Variants in LMAN1 observed in about 807,000 individuals in gnomAD.
LMAN1 encodes protein ERGIC-53.
Under a neutral mutation model 67.8 loss-of-function variants are expected in LMAN1, and 32 were observed. The observed-to-expected ratio is 0.47, with a 90% CI of 0.36 to 0.63. The LOEUF (loss-of-function observed/expected upper bound fraction) is 0.63, where lower values mean the gene tolerates loss of function less well. Ranked by LOEUF, LMAN1 falls within the 30% of genes least tolerant of loss-of-function variation. The pLI, the probability that LMAN1 is intolerant of heterozygous loss-of-function variation, is 0.00. For missense variants in LMAN1, 632 were observed against 628.2 expected (o/e 1.01, Z -0.06); for synonymous variants, 235 against 219.3 (o/e 1.07, Z -0.63).
chr18:59,333,465 C>A, intron 10 of LMAN1: 1 of 493,394 alleles, frequency 2.0e-6, no homozygotes, highest in African/African-American at 2.0e-5. Flanking sequence ...CTAAAAATAC[C>A]ATGTAGAAAA....
intron 7 of LMAN1, among the ~76,000 whole-genome samples, chr18:59,346,853 A>G (rs1009820143): frequency 2.0e-5 from 3 of 151,992 alleles, no homozygotes; most frequent in Admixed American, 6.6e-5. Context: ...ACTACCATTT[A>G]CTGAGCACTT....
chr18:59,352,586 C>T (rs10503025), intron 5 of LMAN1: 21,455 of 156,368 alleles, frequency 0.14, 1,653 homozygotes, highest in Non-Finnish European at 0.18. Flanking sequence ...CTCTCAAGGG[C>T]CTATGCCTGC....
chr18:59,355,177 T>C, intron 3 of LMAN1, 136 bp downstream of exon 3: 2 of 724,918 alleles, frequency 2.8e-6, no homozygotes, highest in South Asian at 1.6e-5. Context: ...AAAGACTAAT[T>C]ATCACATTTA....
rs745948431 is a variant in LMAN1 at position 59,359,225 on chromosome 18, C to T, written c.20G>A (p.Arg7Lys). 3 of 1,613,874 alleles carry T rather than the reference C, an allele frequency of 1.9e-6. No individual in the cohort carries two copies. The highest frequency in any genetic ancestry group is 1.7e-5 in the Admixed American group (1 of 60,012). Residue 7 changes from arginine (R) to lysine (K), a missense_variant, in exon 1 of 13, where the codon AGG becomes AAG. Physicochemically the swap from Arg to Lys is conservative, Grantham distance 26. Transcript: ENST00000251047. ...CGGCCGAACTCTGGCCCGGAGACCC[C>T]TTTGCCTGGATCCCGCCATCTTGGA... Reference protein sequence around the residue: MAGSRQRGLRARVRPLF... With the variant: MAGSRQKGLRARVRPLF...
At position 59,338,935 on chromosome 18, in the gene LMAN1, C is replaced by A; in HGVS notation, c.974G>T (p.Ser325Ile). The stretch of plus-strand genomic sequence containing the variant: ...TTGTCTTAGCTCTCGATCTCCTACA[C>A]TCTCAAATATTTCCTCCGCTGAAAA... ...QGQPAEEIFE[S>I]VGDRELRQVF... Residue 325 changes from serine (S) to isoleucine (I), a missense_variant, in exon 9 of 13, where the codon AGT becomes ATT. Transcript: ENST00000251047. 6.2e-7 allele frequency: 1 copy of A among 1,612,552 alleles called. No homozygotes were observed. Among genetic ancestry groups the A allele is most frequent in the Non-Finnish European group, 8.5e-7 (1 of 1,179,560 alleles).
chr18:59,357,852 G>C (rs894850206), intron 1 of LMAN1, among the ~76,000 whole-genome samples: 1 of 151,434 alleles, frequency 6.6e-6, no homozygotes, highest in Non-Finnish European at 1.5e-5. Flanking sequence ...ATAGCATTAG[G>C]AGATATACCT....
chr18:59,332,192 T>C (rs534568330), intron 11 of LMAN1, among the ~76,000 whole-genome samples: 2 of 152,114 alleles, frequency 1.3e-5, no homozygotes, highest in Non-Finnish European at 2.9e-5. Context: ...GGGACAAAGT[T>C]CTTCAGTAAA....
intron 5 of LMAN1, among the ~76,000 whole-genome samples, chr18:59,349,487 T>C (rs1332687367): frequency 6.6e-6 from 1 of 152,212 alleles, no homozygotes; most frequent in African/African-American, 2.4e-5. Context: ...AAATGGAATA[T>C]GGTTTGCCTT....
At chr18:59,351,925 C>T (rs1908552040) in intron 5 of LMAN1, among the ~76,000 whole-genome samples, 1 of 152,150 alleles carries the variant, frequency 6.6e-6, no homozygotes, top group Non-Finnish European at 1.5e-5. Context: ...TCTAAATTAG[C>T]TTGGAATTAA....
chr18:59,355,215 T>C lies in LMAN1; in HGVS notation c.477+98A>G, dbSNP rs954696662. 1.3e-5 allele frequency: 12 copies of C among 915,252 alleles called. No homozygotes were observed. In the East Asian group the frequency reaches 2.6e-4, roughly 20 times the overall value. The allele number at this position is 915,252 out of a possible 1,614,324, so 56.7% of individuals were successfully genotyped here. On this transcript the variant is annotated intron_variant, in intron 3 of 12. Transcript: ENST00000251047. ...ATATAGCTTGGGGAGTTCTGTACTA[T>C]CAAACTGATGAAAGCATTGAATAAG...
chr18:59,342,990 C>A, intron 8 of LMAN1, among the ~76,000 whole-genome samples: 1 of 149,366 alleles, frequency 6.7e-6, no homozygotes, highest in African/African-American at 2.5e-5. Context: ...AAATCGGTAG[C>A]ATTTTCATAT....
intron 10 of LMAN1, among the ~76,000 whole-genome samples, chr18:59,336,345 A>G (rs1469834991): frequency 2.6e-5 from 4 of 152,342 alleles, no homozygotes; most frequent in African/African-American, 9.6e-5. Flanking sequence ...TAAAATGCTC[A>G]AAAAAAGATG....
chr18:59,350,739 C>T (rs1314201266), intron 5 of LMAN1, among the ~76,000 whole-genome samples: 1 of 152,156 alleles, frequency 6.6e-6, no homozygotes, highest in Non-Finnish European at 1.5e-5. Context: ...TCGTGATCCG[C>T]CCGCCTCGGC....
intron 3 of LMAN1, 63 bp downstream of exon 3, chr18:59,355,250 C>A: frequency 8.1e-7 from 1 of 1,238,122 alleles, no homozygotes; most frequent in Non-Finnish European, 1.2e-6. Flanking sequence ...GCTATTATTT[C>A]TCACAGCCTA....
chr18:59,353,400 G>C (rs1908590114), intron 4 of LMAN1, 99 bp from the exon 5 acceptor site: 1 of 896,254 alleles, frequency 1.1e-6, no homozygotes, highest in South Asian at 1.3e-5. Context: ...AAAAAGTCTT[G>C]AGATACTTTA....
At position 59,359,181 on chromosome 18, in the gene LMAN1, G is replaced by A. The variant is rs373880232; in HGVS notation, c.64C>T (p.Leu22=). The change falls in exon 1 of 13, where the codon CTG becomes TTG. Residue 22 remains leucine (L), a synonymous_variant. Coordinates refer to ENST00000251047, the MANE Select transcript of LMAN1 (RefSeq NM_005570.4). ...CCCCGGACGAAGCGACCGAGTGACA[G>A]CAGCAAGGCGCAGAACAGCGGCCGA... ...RVRPLFCALL[L]SLGRFVRGDG... The A allele has an allele frequency of 8.6e-5, 139 of 1,613,962 alleles. No individual in the cohort carries two copies. Among genetic ancestry groups the A allele is most frequent in the Admixed American group, 5.0e-4 (30 of 60,006 alleles).
rs760821007 is a variant in LMAN1, at chr18:59,359,068, C to T, written c.177G>A (p.Gln59=). 6.2e-7 allele frequency: 1 copy of T among 1,614,100 alleles called. No homozygotes were observed. Among genetic ancestry groups the T allele is most frequent in the South Asian group, 1.1e-5 (1 of 91,086 alleles). ...CCCAGAAGGGCACGGTCCCGTCGCT[C>T]TGCACCAGGTGCGGCCCCTTGAAGC... ...KYSFKGPHLV[Q]SDGTVPFWAH... is the part of the protein sequence containing the mutation. The change falls in exon 1 of 13, where the codon CAG becomes CAA. Residue 59 remains glutamine (Q), a synonymous_variant. Transcript: ENST00000251047.
rs1908220228 is a variant in LMAN1, at chr18:59,338,765, C to T, written c.1144G>A (p.Gly382Arg). 1.4e-5 allele frequency: 22 copies of T among 1,614,112 alleles called. No homozygotes were observed. The highest frequency in any genetic ancestry group is 1.8e-5 in the Non-Finnish European group (21 of 1,180,002). Residue 382 changes from glycine to arginine, a missense_variant, in exon 9 of 13, where the codon GGG becomes AGG. Gly to Arg is a moderately radical substitution (Grantham distance 125, BLOSUM62 -2). Transcript: ENST00000251047. ...KRGAGMPGQH[G>R]QITQQELDTV... Reference sequence around the variant, plus strand: ...TGCATATTCTGCAAGCCCACCTGCCCATGCTGCCCAGGCATTCCTGCTCCT... The same window carrying T: ...TGCATATTCTGCAAGCCCACCTGCCTATGCTGCCCAGGCATTCCTGCTCCT...
chr18:59,338,910 T>C lies in LMAN1; in HGVS notation c.999A>G (p.Gln333=). 2 of 1,613,594 alleles carry C rather than the reference T, an allele frequency of 1.2e-6. No homozygotes were observed. Among genetic ancestry groups the C allele is most frequent in the Non-Finnish European group, 1.7e-6 (2 of 1,179,930 alleles). Residue 333 remains glutamine (Q), a synonymous_variant, in exon 9 of 13, where the codon CAA becomes CAG. Coordinates refer to ENST00000251047, the MANE Select transcript of LMAN1 (RefSeq NM_005570.4). ...GAATACGATTCTGTCCTTCAAAGAC[T>C]TGTCTTAGCTCTCGATCTCCTACAC... The part of the protein sequence containing the change: ...FESVGDRELR[Q]VFEGQNRIHL...
Sources: allele counts gnomAD v4.1 joint callset (sites outside exome capture counted in the v4.1 genomes callset), GRCh38; gene constraint gnomAD v4.1.1; transcripts MANE v1.5; gene names NCBI Gene and HGNC (gene_info 2026-07-23, HGNC 2026-07-21).